The following AQP4 variants were observed in gnomAD, a reference collection of about 807,000 sequenced individuals.
AQP4 encodes the protein aquaporin 4.
In AQP4, 18 loss-of-function variants were observed where a neutral mutation model predicts 27.8. The observed-to-expected ratio is 0.65, with a 90% CI of 0.45 to 0.96. The LOEUF (loss-of-function observed/expected upper bound fraction) is 0.96, where lower values mean the gene tolerates loss of function less well. Among genes scored for constraint, AQP4 ranks in the 40% least tolerant of loss-of-function variants. AQP4 has a pLI of 0.00. For synonymous variants in AQP4, 141 were observed against 142.9 expected (o/e 0.99, Z 0.10); for missense variants, 412 against 408.2 (o/e 1.01, Z -0.08).
At chr18:26,863,671 T>C (rs141156685) in intron 1 of AQP4, among the ~76,000 whole-genome samples, 59 of 152,308 alleles carry the variant, frequency 3.9e-4, no homozygotes, top group African/African-American at 1.4e-3. Context: ...CCTGCCTTCA[T>C]GGTGCAGAGC....
rs778270166 is a variant in AQP4 at position 26,862,402 on chromosome 18, C to A, written c.227G>T (p.Cys76Phe). The change falls in exon 2 of 5, where the codon TGC (cysteine) becomes TTC (phenylalanine). Residue 76 changes from cysteine to phenylalanine, a missense_variant. Physicochemically the swap from Cys to Phe is radical, Grantham distance 205 (BLOSUM62 -2). Coordinates refer to ENST00000383168, the MANE Select transcript of AQP4 (RefSeq NM_001650.7). ...LPVDMVLISL[C>F]FGLSIATMVQ... ...CATGGTTGCAATGCTGAGTCCAAAG[C>A]AAAGGGAGATGAGAACCATGTCGAC... 3 of 1,614,082 alleles carry A rather than the reference C, an allele frequency of 1.9e-6. No individual in the cohort carries two copies.
At position 26,855,923 on chromosome 18, in the gene AQP4, C is replaced by A; in HGVS notation, c.*288G>T. The A allele has an allele frequency of 2.6e-6, 1 of 391,470 alleles. No homozygotes were observed. Among genetic ancestry groups the A allele is most frequent in the South Asian group, 2.5e-5 (1 of 40,504 alleles). The allele number at this position is 391,470 out of a possible 1,614,324, so 24.2% of individuals were successfully genotyped here. ...CAGGCAAGACTTAACCAAATCTTGA[C>A]ACACGGTTAAAATTGGTTGTTAATG... is the stretch of plus-strand genomic sequence containing the variant. On this transcript the variant is annotated 3_prime_UTR_variant, in exon 5 of 5. Transcript: ENST00000383168.
chr18:26,857,512 G>C (rs906914472), intron 4 of AQP4, among the ~76,000 whole-genome samples: 4 of 152,022 alleles, frequency 2.6e-5, no homozygotes, highest in African/African-American at 9.7e-5. Flanking sequence ...ATTTTTAGTA[G>C]AGATGGGGTT....
Position 26,855,591 on chromosome 18 carries a change from T to C in AQP4, c.*620A>G, listed in dbSNP as rs921776929. ...CTTTAGTCCCACATTACCTTGGGCA[T>C]TGAGGAGGAAGAAATACCATGAAAT... On this transcript the variant is annotated 3_prime_UTR_variant, in exon 5 of 5. Transcript: ENST00000383168. The C allele has an allele frequency of 1.3e-5, 2 of 153,552 alleles. No individual in the cohort carries two copies. Among genetic ancestry groups the C allele is most frequent in the African/African-American group, 4.8e-5 (2 of 41,446 alleles). The allele number at this position is 153,552 out of a possible 1,614,324, so 9.5% of individuals were successfully genotyped here. A position where few individuals can be genotyped will look rare whatever the true frequency, so the allele number is the denominator to read the frequency against.
chr18:26,861,360 A>G (rs1215856224), intron 2 of AQP4, 65 bp from the exon 3 acceptor site: 11 of 1,509,218 alleles, frequency 7.3e-6, no homozygotes, highest in African/African-American at 5.6e-5. Flanking sequence ...ATGTATTAAT[A>G]TCATTGTGAA....
At chr18:26,857,818 T>A (rs1244173600) in intron 4 of AQP4, among the ~76,000 whole-genome samples, 1 of 152,226 alleles carries the variant, frequency 6.6e-6, no homozygotes, top group Non-Finnish European at 1.5e-5. Flanking sequence ...TTTTCTTGTA[T>A]AATCTCATTT....
chr18:26,856,524 A>G, intron 4 of AQP4, 35 bp from the exon 5 acceptor site: 1 of 1,608,478 alleles, frequency 6.2e-7, no homozygotes, highest in Non-Finnish European at 8.5e-7. Flanking sequence ...GAGTGTAAGT[A>G]GAGAAAAGCT....
chr18:26,856,234 C>T lies in AQP4; in HGVS notation c.949G>A (p.Gly317Arg). 1 of 1,614,170 alleles carries T rather than the reference C, an allele frequency of 6.2e-7. No homozygotes were observed. The highest frequency in any genetic ancestry group is 8.5e-7 in the Non-Finnish European group (1 of 1,180,024). The change falls in exon 5 of 5, where the codon GGA (glycine) becomes AGA (arginine). Residue 317 changes from glycine to arginine, a missense_variant. Transcript: ENST00000383168. ...AGTCATACTGAAGACAATACCTCTCCAGATTGGTCTTTCCCCTTCTTCTCC... is the reference window on the plus strand; with the variant it reads ...AGTCATACTGAAGACAATACCTCTCTAGATTGGTCTTTCCCCTTCTTCTCC... ...GEEKKGKDQS[G>R]EVLSSV
intron 1 of AQP4, 96 bp downstream of exon 1, chr18:26,865,562 A>T: frequency 6.5e-7 from 1 of 1,533,564 alleles, no homozygotes; most frequent in Admixed American, 1.7e-5. Context: ...GCTGCCTTCC[A>T]GATTCTGCCT....
intron 1 of AQP4, 72 bp from the exon 2 acceptor site, chr18:26,862,668 G>A (rs1400939409): frequency 6.2e-7 from 1 of 1,604,432 alleles, no homozygotes; most frequent in Non-Finnish European, 8.5e-7. Flanking sequence ...AGGGAACAAG[G>A]CCTGCCATCT....
chr18:26,864,376 G>A (rs573178279), intron 1 of AQP4, among the ~76,000 whole-genome samples: 2 of 152,250 alleles, frequency 1.3e-5, no homozygotes, highest in South Asian at 4.2e-4. Flanking sequence ...CCCAGGCCCG[G>A]GTGGCAGGAT....
At chr18:26,865,526 TA>T in intron 1 of AQP4, 131 bp downstream of exon 1, 1 of 1,168,962 alleles carries the variant, frequency 8.6e-7, no homozygotes, top group Non-Finnish European at 1.3e-6. Context: ...TACTCAGATC[TA>T]AAAGAACCAC....
rs537921899 is a variant in AQP4 at position 26,865,402 on chromosome 18, C to T, written c.32+256G>A. 12 of 591,696 alleles carry T rather than the reference C, an allele frequency of 2.0e-5. No individual in the cohort carries two copies. The Admixed American group carries it at 2.8e-4, about 14-fold the overall frequency. 36.7% of individuals were successfully genotyped at this position (591,696 alleles called of 1,614,324 possible). On this transcript the variant is annotated intron_variant, in intron 1 of 4. Coordinates refer to ENST00000383168, the MANE Select transcript of AQP4 (RefSeq NM_001650.7). ...AAGAAATGTACTATAGCTAGATTCACCTCCATAGGGTAATTTTCCTGGGCT... is the reference window on the plus strand; with the variant it reads ...AAGAAATGTACTATAGCTAGATTCATCTCCATAGGGTAATTTTCCTGGGCT...
chr18:26,861,521 A>G (rs76768069), intron 2 of AQP4, among the ~76,000 whole-genome samples: 1,763 of 152,328 alleles, frequency 0.012, 41 homozygotes, highest in African/African-American at 0.039. Flanking sequence ...ACAACGACCA[A>G]ACAGGAGTTT....
rs760876531 is a variant in AQP4 at position 26,862,292 on chromosome 18, C to T, written c.337G>A (p.Ala113Thr). 18 of 1,614,058 alleles carry T rather than the reference C, an allele frequency of 1.1e-5. No individual in the cohort carries two copies. Among genetic ancestry groups the T allele is most frequent in the South Asian group, 3.3e-5 (3 of 91,082 alleles). ...AMVCTRKISIAKSVFYIAAQC... is the reference protein window; with the variant it reads ...AMVCTRKISITKSVFYIAAQC... ...GCTGCGATGTAGAAGACAGACTTGG[C>T]GATGCTGATCTTCCTGGTGCACACC... is the stretch of plus-strand genomic sequence containing the variant. The change falls in exon 2 of 5, where the codon GCC becomes ACC. Residue 113 changes from alanine (A) to threonine (T), a missense_variant. Ala to Thr is a moderately conservative substitution (Grantham distance 58). Transcript: ENST00000383168.
In AQP4 at chr18:26,852,996, G is replaced by T; in HGVS notation, c.*3215C>A. 1 of 397,814 alleles carries T rather than the reference G, an allele frequency of 2.5e-6. No homozygotes were observed. Among genetic ancestry groups the T allele is most frequent in the Non-Finnish European group, 4.4e-6 (1 of 225,580 alleles). The allele number at this position is 397,814 out of a possible 1,614,324, so 24.6% of individuals were successfully genotyped here. A position where few individuals can be genotyped will look rare whatever the true frequency, so the allele number is the denominator to read the frequency against. On this transcript the variant is annotated 3_prime_UTR_variant, in exon 5 of 5. Coordinates refer to ENST00000383168, the MANE Select transcript of AQP4 (RefSeq NM_001650.7). ...TACTGCTCTAGTTTGGAATTTTCCT[G>T]TCATTATCGAGTTTAAACCAATACA...
chr18:26,865,458 G>T (rs1030562024), intron 1 of AQP4, 200 bp downstream of exon 1: 74 of 694,048 alleles, frequency 1.1e-4, no homozygotes, highest in Middle Eastern at 5.1e-4. Context: ...GGAGGATTTG[G>T]CTAAAAAGCA....
rs116303112 is a variant in AQP4 at position 26,861,624 on chromosome 18, A to G, written c.448-329T>C. 1.6e-3 allele frequency among the ~76,000 whole-genome samples: 248 copies of G among 152,346 alleles called. 2 individuals carry two copies. Among genetic ancestry groups the G allele is most frequent in the African/African-American group, 5.8e-3 (243 of 41,590 alleles). On this transcript the variant is annotated intron_variant, in intron 2 of 4. Transcript: ENST00000383168. ...TTCTTGAGAGCCTTGTGATTTTATA[A>G]GGCAATGATTAAATCCATTAATTAG...
chr18:26,855,740 CT>C lies in AQP4; in HGVS notation c.*470del, dbSNP rs1261766027. Reference sequence around the variant, plus strand: ...GCATAAGGGATTGCTCATAAAAGAACTTGTTATATTTTCTCTCTTGAATGTG... The same window carrying C: ...GCATAAGGGATTGCTCATAAAAGAACTGTTATATTTTCTCTCTTGAATGTG... On this transcript the variant is annotated 3_prime_UTR_variant, in exon 5 of 5. Transcript: ENST00000383168. The C allele has an allele frequency of 5.3e-6, 1 of 190,378 alleles. No homozygotes were observed. The highest frequency in any genetic ancestry group is 2.4e-5 in the African/African-American group (1 of 41,926). 11.8% of individuals were successfully genotyped at this position (190,378 alleles called of 1,614,324 possible).
Sources: gnomAD v4.1 joint callset for allele counts (sites outside exome capture counted in the v4.1 genomes callset) on GRCh38, gnomAD v4.1.1 for gene constraint, MANE v1.5 for transcripts, NCBI Gene and HGNC (gene_info 2026-07-23, HGNC 2026-07-21) for gene names.